Variants in APH1A observed in about 807,000 individuals in gnomAD.
APH1A encodes the protein aph-1A gamma-secretase subunit, also known as gamma-secretase subunit APH-1A.
In APH1A, 16 loss-of-function variants were observed where a neutral mutation model predicts 30.3. The observed-to-expected ratio is 0.53, with a 90% CI of 0.36 to 0.80. APH1A has a LOEUF of 0.80. APH1A is among the 30% of genes least tolerant of loss of function. The pLI is 0.01. For missense variants in APH1A, 245 were observed against 337.8 expected, an observed-to-expected ratio of 0.73 and a Z score of 2.15; for synonymous variants, 144 against 140.1, an observed-to-expected ratio of 1.03 and a Z score of -0.20.
chr1:150,267,677 T>C lies in APH1A; in HGVS notation c.358+39A>G, dbSNP rs587684750. ...TAGAGACTTCCCTAGAGGAGGGGGCTGTCCAACTCCCTCCTCCAGTCCCTC... is the reference window on the plus strand; with the variant it reads ...TAGAGACTTCCCTAGAGGAGGGGGCCGTCCAACTCCCTCCTCCAGTCCCTC... On this transcript the variant is annotated intron_variant, in intron 3 of 6. Transcript: ENST00000369109. 14 of 1,597,608 alleles carry C rather than the reference T, an allele frequency of 8.8e-6. 1 individual carries two copies. The South Asian group carries it at 1.3e-4, about 15-fold the overall frequency.
chr1:150,266,651 G>C lies in APH1A; in HGVS notation c.615C>G (p.Phe205Leu), dbSNP rs199803918. 6.2e-7 allele frequency: 1 copy of C among 1,613,808 alleles called. No individual in the cohort carries two copies. Among genetic ancestry groups the C allele is most frequent in the African/African-American group, 1.3e-5 (1 of 74,896 alleles). The stretch of plus-strand genomic sequence containing the variant: ...GGCTGGCCTCATACCAGGGGTTCAG[G>C]AATGTCTAGGAAGGAGGGTAAGAGT... ...GSHLLTSGLT[F>L]LNPWYEASLL... The change falls in exon 6 of 7, where the codon TTC becomes TTG. Residue 205 changes from phenylalanine to leucine, a missense_variant. Physicochemically the swap from Phe to Leu is conservative, Grantham distance 22 (BLOSUM62 0). Coordinates refer to ENST00000369109, the MANE Select transcript of APH1A (RefSeq NM_001077628.3).
At position 150,267,312 on chromosome 1, in the gene APH1A, A is replaced by G. The variant is rs201674071; in HGVS notation, c.481+44T>C. The G allele has an allele frequency of 6.5e-5, 105 of 1,613,712 alleles. 1 individual carries two copies. The South Asian group carries it at 1.1e-3, about 17-fold the overall frequency. On this transcript the variant is annotated intron_variant, in intron 4 of 6. Coordinates refer to ENST00000369109, the MANE Select transcript of APH1A (RefSeq NM_001077628.3). ...AAGGCCAATAAATCAGATCAGGGAC[A>G]AGGATGGATGGGGGGTAAAGGCTAG...
Position 150,268,095 on chromosome 1 carries a change from G to A in APH1A, c.146C>T (p.Ala49Val). The A allele has an allele frequency of 6.2e-7, 1 of 1,614,162 alleles. No individual in the cohort carries two copies. Among genetic ancestry groups the A allele is most frequent in the Non-Finnish European group, 8.5e-7 (1 of 1,180,042 alleles). Residue 49 changes from alanine (A) to valine (V), a missense_variant, in exon 2 of 7, where the codon GCC becomes GTC. By Grantham distance (64) the Ala-to-Val change is moderately conservative. Transcript: ENST00000369109. ...AFFWLVSLLL[A>V]SVVWFILVHV... ...GACCAAGATGAACCAGACCACAGAGGCCAGGAGCAGGGAGACCAGCCAGAA... is the reference window on the plus strand; with the variant it reads ...GACCAAGATGAACCAGACCACAGAGACCAGGAGCAGGGAGACCAGCCAGAA...
At chr1:150,267,637 G>A (rs16835635) in intron 3 of APH1A, 79 bp downstream of exon 3, 4 of 1,569,878 alleles carry the variant, frequency 2.5e-6, no homozygotes, top group African/African-American at 1.3e-5. Context: ...AAGCCACTTA[G>A]AACATGTGGA....
At position 150,266,546 on chromosome 1, in the gene APH1A, C is replaced by A. The variant is rs587678053; in HGVS notation, c.720G>T (p.Gln240His). The change falls in exon 6 of 7, where the codon CAG becomes CAT. Residue 240 changes from glutamine to histidine, a missense_variant. By Grantham distance (24) the Gln-to-His change is conservative. Coordinates refer to ENST00000369109, the MANE Select transcript of APH1A (RefSeq NM_001077628.3). Reference protein sequence around the residue: ...ITAGGSLRSIQRSLLCRRQED... With the variant: ...ITAGGSLRSIHRSLLCRRQED... The stretch of plus-strand genomic sequence containing the variant: ...GTCAGTCCTTACACAAGAGGCTGCG[C>A]TGAATACTTCGGAGGGACCCTCCAG... 5 of 1,614,146 alleles carry A rather than the reference C, an allele frequency of 3.1e-6. No homozygotes were observed. The East Asian group carries it at 8.9e-5, about 29-fold the overall frequency.
chr1:150,266,670 T>G lies in APH1A; in HGVS notation c.610-14A>C. 6.2e-7 allele frequency: 1 copy of G among 1,613,450 alleles called. No individual in the cohort carries two copies. Among genetic ancestry groups the G allele is most frequent in the Non-Finnish European group, 8.5e-7 (1 of 1,179,718 alleles). On this transcript the variant is annotated splice_polypyrimidine_tract_variant and intron_variant, in intron 5 of 6. Coordinates refer to ENST00000369109, the MANE Select transcript of APH1A (RefSeq NM_001077628.3). The stretch of plus-strand genomic sequence containing the variant: ...GTTCAGGAATGTCTAGGAAGGAGGG[T>G]AAGAGTAGGAAAGAGATTAGATTCT...
At position 150,267,715 on chromosome 1, in the gene APH1A, C is replaced by T. The variant is rs112212494; in HGVS notation, c.358+1G>A. ...CCTCCAGTCCCTCTCCCTTGGCTCA[C>T]CATAGGCCATCTGGCGGATGGAGAT... is the stretch of plus-strand genomic sequence containing the variant. On this transcript the variant is annotated splice_donor_variant, in intron 3 of 6. Transcript: ENST00000369109. LOFTEE classifies it high-confidence loss of function. 1 of 1,610,592 alleles carries T rather than the reference C, an allele frequency of 6.2e-7. No individual in the cohort carries two copies. Among genetic ancestry groups the T allele is most frequent in the Admixed American group, 1.7e-5 (1 of 59,576 alleles).
At position 150,268,927 on chromosome 1, in the gene APH1A, A is replaced by C. The variant is rs1276522672; in HGVS notation, c.-117T>G. 3.6e-6 allele frequency: 3 copies of C among 836,672 alleles called. No individual in the cohort carries two copies. The highest frequency in any genetic ancestry group is 3.5e-5 in the African/African-American group (2 of 57,866). The allele number at this position is 836,672 out of a possible 1,614,324, so 51.8% of individuals were successfully genotyped here. On this transcript the variant is annotated 5_prime_UTR_variant, in exon 1 of 7. Coordinates refer to ENST00000369109, the MANE Select transcript of APH1A (RefSeq NM_001077628.3). ...GCGACCCCACGAGGGGCGCGGTGCA[A>C]TGTCACCCCCAGACCCCGGGGAAGG...
At chr1:150,268,291 T>A in intron 1 of APH1A, 164 bp from the exon 2 acceptor site, 1 of 770,530 alleles carries the variant, frequency 1.3e-6, no homozygotes, top group Non-Finnish European at 2.0e-6. Context: ...GACTCATCTG[T>A]AGAAAAGTGA....
rs868932075 is a variant in APH1A, at chr1:150,266,557, G to A, written c.709C>T (p.Arg237Ter). The A allele has an allele frequency of 8.1e-6, 13 of 1,614,086 alleles. No individual in the cohort carries two copies. Among genetic ancestry groups the A allele is most frequent in the Non-Finnish European group, 1.1e-5 (13 of 1,180,016 alleles). Residue 237 changes from arginine to a stop codon, truncating the protein, a stop_gained, in exon 6 of 7, where the codon CGA becomes TGA. Transcript: ENST00000369109. LOFTEE classifies it high-confidence loss of function. ...WAFITAGGSL[R>*]SIQRSLLCRR... Reference sequence around the variant, plus strand: ...CACAAGAGGCTGCGCTGAATACTTCGGAGGGACCCTCCAGCTGTGATGAAG... The same window carrying A: ...CACAAGAGGCTGCGCTGAATACTTCAGAGGGACCCTCCAGCTGTGATGAAG...
Position 150,267,090 on chromosome 1 carries a change from T to A in APH1A, c.594A>T (p.Leu198=), listed in dbSNP as rs367957973. 1 of 1,614,004 alleles carries A rather than the reference T, an allele frequency of 6.2e-7. No individual in the cohort carries two copies. The change falls in exon 5 of 7, where the codon CTA becomes CTT. Residue 198 remains leucine (L), a synonymous_variant. Transcript: ENST00000369109. ...TCCAACTCACCAGTCCCGATGTCAG[T>A]AGGTGACTCCCAACCACCAGGCCCA... ...WALGLVVGSH[L]LTSGLTFLNP... is the part of the protein sequence containing the mutation.
At position 150,268,909 on chromosome 1, in the gene APH1A, C is replaced by A; in HGVS notation, c.-99G>T. 9.6e-7 allele frequency: 1 copy of A among 1,039,560 alleles called. No individual in the cohort carries two copies. The highest frequency in any genetic ancestry group is 2.6e-5 in the East Asian group (1 of 38,160). 64.4% of individuals were successfully genotyped at this position (1,039,560 alleles called of 1,614,324 possible). A position where few individuals can be genotyped will look rare whatever the true frequency, so the allele number is the denominator to read the frequency against. On this transcript the variant is annotated 5_prime_UTR_variant, in exon 1 of 7. Coordinates refer to ENST00000369109, the MANE Select transcript of APH1A (RefSeq NM_001077628.3). ...TCCGCGTGGGGTGGCAACGCGACCC[C>A]ACGAGGGGCGCGGTGCAATGTCACC...
chr1:150,267,283 A>G (rs1651806425), intron 4 of APH1A, 73 bp downstream of exon 4: 4 of 1,612,560 alleles, frequency 2.5e-6, no homozygotes, highest in Non-Finnish European at 3.4e-6. Flanking sequence ...GAAGTCTCTC[A>G]GGGAAGGCCA....
At position 150,267,609 on chromosome 1, in the gene APH1A, C is replaced by T. The variant is rs1488343623; in HGVS notation, c.358+107G>A. 2.5e-5 allele frequency: 40 copies of T among 1,571,000 alleles called. No homozygotes were observed. In the Admixed American group the frequency reaches 3.2e-4, roughly 13 times the overall value. On this transcript the variant is annotated intron_variant, in intron 3 of 6. Transcript: ENST00000369109. ...CCAGACCAACTTTCTTTGGAAGTGA[C>T]GGATGAAGGAAAGTAAGAAGCCACT...
chr1:150,266,870 G>T, intron 5 of APH1A: 1 of 1,047,094 alleles, frequency 9.6e-7, no homozygotes, highest in Non-Finnish European at 1.4e-6. Flanking sequence ...CAGGCCCTCT[G>T]CATTACAGTT....
chr1:150,268,375 G>A, intron 1 of APH1A: 1 of 606,650 alleles, frequency 1.6e-6, no homozygotes, highest in Non-Finnish European at 2.9e-6. Context: ...GAGCACGGAA[G>A]GGCGAGGTAT....
At position 150,267,365 on chromosome 1, in the gene APH1A, G is replaced by A. The variant is rs782508662; in HGVS notation, c.472C>T (p.Leu158=). Residue 158 remains leucine (L), a synonymous_variant, in exon 4 of 7, where the codon CTG becomes TTG. Transcript: ENST00000369109. ...AGAAGGTGGATCTTACCTGAAGTCA[G>A]GAAGTAATAGGGTGAGTCTCCATGG... is the stretch of plus-strand genomic sequence containing the variant. ...GIHGDSPYYF[L]TSAFLTAAII... is the part of the protein sequence containing the mutation. The A allele has an allele frequency of 6.2e-7, 1 of 1,614,144 alleles. No homozygotes were observed. The highest frequency in any genetic ancestry group is 1.7e-5 in the Admixed American group (1 of 60,018).
intron 5 of APH1A, 173 bp from the exon 6 acceptor site, chr1:150,266,829 A>T: frequency 9.5e-7 from 1 of 1,050,606 alleles, no homozygotes; most frequent in Non-Finnish European, 1.3e-6. Context: ...CTCCTCAGAA[A>T]CTCAAAGGTT....
Position 150,268,681 on chromosome 1 carries a change from C to A in APH1A, c.113+17G>T. On this transcript the variant is annotated intron_variant, in intron 1 of 6. Transcript: ENST00000369109. Reference sequence around the variant, plus strand: ...TCTCTTCGACGCTCTCCCGCGTCTCCCGGGCCCTCTACTCACCCTGCGACC... The same window carrying A: ...TCTCTTCGACGCTCTCCCGCGTCTCACGGGCCCTCTACTCACCCTGCGACC... 1 of 1,602,478 alleles carries A rather than the reference C, an allele frequency of 6.2e-7. No homozygotes were observed.
Sources: gnomAD v4.1 joint callset for allele counts on GRCh38, gnomAD v4.1.1 for gene constraint, MANE v1.5 for transcripts, NCBI Gene and HGNC (gene_info 2026-07-23, HGNC 2026-07-21) for gene names.